Variants in RNASE12 observed in about 807,000 individuals in gnomAD.
RNASE12 encodes ribonuclease A family member 12 (inactive).
For missense variants in RNASE12, 161 were observed against 177.6 expected (o/e 0.91, Z 0.53); for synonymous variants, 55 against 59.8 (o/e 0.92, Z 0.37).
chr14:20,590,289 A>G, exon 1 of RNASE12: 1 of 1,613,282 alleles, frequency 6.2e-7, no homozygotes, highest in Non-Finnish European at 8.5e-7. Context: ...GTTATTTAAC[A>G]TAGCCAAGGA....
At chr14:20,590,235 A>G (rs367999440) in exon 1 of RNASE12, 16 of 1,598,238 alleles carry the variant, frequency 1.0e-5, no homozygotes, top group Admixed American at 1.7e-5. Flanking sequence ...GCCAGCTCCA[A>G]TGCCATTGAG....
chr14:20,590,403 GA>G lies in RNASE12; in HGVS notation c.320del (p.Val107AlafsTer31). On this transcript the variant is annotated frameshift_variant, in exon 1 of 1. Transcript: ENST00000556526. LOFTEE classifies it low-confidence loss of function (END_TRUNC). ...ATCTTGTGCCTTCAATGAGCTGACA[GA>G]CTGTCATTTTGAACTTTGTCTCACT... 6.2e-7 allele frequency: 1 copy of G among 1,614,240 alleles called. No individual in the cohort carries two copies. The highest frequency in any genetic ancestry group is 8.5e-7 in the Non-Finnish European group (1 of 1,180,054).
exon 1 of RNASE12, chr14:20,590,296 A>G (rs751415593): frequency 1.2e-6 from 2 of 1,613,614 alleles, no homozygotes; most frequent in East Asian, 2.2e-5. Context: ...AACATAGCCA[A>G]GGAAACTATC....
chr14:20,590,867 A>G (rs1442982386), upstream of RNASE12: 3 of 1,457,874 alleles, frequency 2.1e-6, no homozygotes, highest in Non-Finnish European at 2.7e-6. Context: ...CCTTCTCTCC[A>G]CTAATTAAAA....
exon 1 of RNASE12, chr14:20,590,442 A>G: frequency 6.2e-7 from 1 of 1,614,206 alleles, no homozygotes. Context: ...GAAAGCAGAA[A>G]ATGGCCGAAA....
exon 1 of RNASE12, chr14:20,590,449 G>A (rs189334969): frequency 1.2e-5 from 19 of 1,614,194 alleles, no homozygotes; most frequent in East Asian, 6.7e-5. Context: ...GAAAATGGCC[G>A]AAAGGTTTTG....
chr14:20,590,673 C>T (rs1165791955), exon 1 of RNASE12: 12 of 1,614,076 alleles, frequency 7.4e-6, no homozygotes, highest in African/African-American at 1.3e-5. Flanking sequence ...CATCATTCAC[C>T]TCATTTTCCC....
At chr14:20,591,237 G>A (rs1566564748), upstream of RNASE12, 25 of 984,492 alleles carry the variant, frequency 2.5e-5, no homozygotes, top group Non-Finnish European at 3.0e-5. Context: ...ATCCTGCTTG[G>A]CTCTGTGCTA....
chr14:20,590,323 C>A (rs748429215), exon 1 of RNASE12: 1 of 1,614,198 alleles, frequency 6.2e-7, no homozygotes, highest in Non-Finnish European at 8.5e-7. Context: ...CAAGTCATCA[C>A]AAGTGACAAG....
chr14:20,590,546 G>T, exon 1 of RNASE12: 1 of 1,614,232 alleles, frequency 6.2e-7, no homozygotes. Flanking sequence ...TTACAAGTGT[G>T]GTCAGGTTCC....
chr14:20,590,368 C>A (rs946308804), exon 1 of RNASE12: 2 of 1,614,058 alleles, frequency 1.2e-6, no homozygotes, highest in African/African-American at 2.7e-5. Flanking sequence ...GTGGTACCTG[C>A]AGGCAGGGTA....
At chr14:20,591,259 C>T, upstream of RNASE12, 1 of 985,356 alleles carries the variant, frequency 1.0e-6, no homozygotes, top group South Asian at 4.7e-5. Context: ...CTCCTCTCAC[C>T]TGTCATTTTT....
chr14:20,590,592 C>G lies in RNASE12; in HGVS notation c.132G>C (p.Arg44Ser), dbSNP rs760537891. 4 of 1,614,226 alleles carry G rather than the reference C, an allele frequency of 2.5e-6. No homozygotes were observed. In the South Asian group the frequency reaches 4.4e-5, roughly 18 times the overall value. Residue 44 changes from arginine (R) to serine (S), a missense_variant, in exon 1 of 1, where the codon AGG (arginine) becomes AGC (serine). Physicochemically the swap from Arg to Ser is moderately radical, Grantham distance 110. Transcript: ENST00000556526. ...TTTGTATGATCATGTGGTTGCAGTA[C>G]CTTGCAGGAACGGGAACGTCATTCT...
At chr14:20,590,604 G>A (rs553909955) in exon 1 of RNASE12, 39 of 1,614,172 alleles carry the variant, frequency 2.4e-5, no homozygotes, top group East Asian at 1.1e-4. Flanking sequence ...TTGCAGGAAC[G>A]GGAACGTCAT....
exon 1 of RNASE12, chr14:20,590,353 G>A (rs201559377): frequency 1.2e-6 from 2 of 1,614,204 alleles, no homozygotes; most frequent in South Asian, 2.2e-5. Context: ...CTCTGTGGGG[G>A]AATAGTGGTA....
exon 1 of RNASE12, chr14:20,590,721 C>G: frequency 6.2e-7 from 1 of 1,613,014 alleles, no homozygotes; most frequent in Non-Finnish European, 8.5e-7. Flanking sequence ...CCATTATTAT[C>G]ATCAGAGGTA....
At chr14:20,590,786 G>C in exon 1 of RNASE12, 2 of 1,579,658 alleles carry the variant, frequency 1.3e-6, no homozygotes, top group Admixed American at 3.4e-5. Context: ...AAGATAGAAA[G>C]TAGCAAAGGA....
chr14:20,590,509 C>T, exon 1 of RNASE12: 6 of 1,614,240 alleles, frequency 3.7e-6, no homozygotes, highest in Non-Finnish European at 5.1e-6. Flanking sequence ...TTTTCGAGGC[C>T]TCTCATGGAT....
exon 1 of RNASE12, chr14:20,590,233 C>T: frequency 1.3e-6 from 2 of 1,596,924 alleles, no homozygotes; most frequent in Non-Finnish European, 8.5e-7. Flanking sequence ...CAGCCAGCTC[C>T]AATGCCATTG....
Sources: allele counts gnomAD v4.1 joint callset, GRCh38; gene constraint gnomAD v4.1.1; transcripts MANE v1.5; gene names NCBI Gene and HGNC (gene_info 2026-07-23, HGNC 2026-07-21).